TCF4: variants seen among roughly 807,000 people sequenced by gnomAD.
TCF4 encodes transcription factor 4.
Under a neutral mutation model 82.1 loss-of-function variants are expected in TCF4, and 3 were observed. The ratio of observed to expected loss-of-function variants is 0.04; its 90% CI spans 0.02 to 0.09. The LOEUF (loss-of-function observed/expected upper bound fraction) is 0.09. TCF4 is among the 10% of genes least tolerant of loss of function. TCF4 has a pLI of 1.00. For missense variants in TCF4, 518 were observed against 852.7 expected (o/e 0.61, Z 4.89); for synonymous variants, 276 against 309.6 (o/e 0.89, Z 1.14).
chr18:55,588,373 G>A, upstream of TCF4: 1 of 1,527,470 alleles, frequency 6.5e-7, no homozygotes, highest in Non-Finnish European at 8.7e-7. Flanking sequence ...GGCAGGCTAG[G>A]ATGCATCCCC....
At chr18:55,463,153 T>A (rs2095906623) in intron 4 of TCF4, among the ~76,000 whole-genome samples, 1 of 152,200 alleles carries the variant, frequency 6.6e-6, no homozygotes, top group African/African-American at 2.4e-5. Flanking sequence ...GTACACGAAG[T>A]GTACTTTTAA....
intron 3 of TCF4, among the ~76,000 whole-genome samples, chr18:55,497,391 CA>C: frequency 6.6e-6 from 1 of 151,946 alleles, no homozygotes; most frequent in East Asian, 1.9e-4. Flanking sequence ...ATAATATATG[CA>C]CATACATTTA....
At chr18:55,304,756 A>G (rs891157092) in intron 8 of TCF4, among the ~76,000 whole-genome samples, 6 of 152,166 alleles carry the variant, frequency 3.9e-5, no homozygotes, top group Non-Finnish European at 7.3e-5. Context: ...GTCCTTATTC[A>G]AAAGGTTCAA....
At chr18:55,361,496 C>A (rs1451287371) in intron 6 of TCF4, among the ~76,000 whole-genome samples, 1 of 152,210 alleles carries the variant, frequency 6.6e-6, no homozygotes, top group African/African-American at 2.4e-5. Context: ...CGTTTCTCTG[C>A]ACTTTTACAA....
chr18:55,345,583 T>C (rs749699141), intron 8 of TCF4, among the ~76,000 whole-genome samples: 1 of 152,152 alleles, frequency 6.6e-6, no homozygotes, highest in Non-Finnish European at 1.5e-5. Context: ...GCACACTAAG[T>C]TTAAAAGTGA....
intron 3 of TCF4, among the ~76,000 whole-genome samples, chr18:55,549,640 C>T (rs2097241531): frequency 6.6e-6 from 1 of 152,200 alleles, no homozygotes; most frequent in East Asian, 1.9e-4. Flanking sequence ...TCAGGGGCAA[C>T]AACAGCATGG....
chr18:55,255,859 C>T (rs867268547), intron 14 of TCF4, among the ~76,000 whole-genome samples: 3 of 152,190 alleles, frequency 2.0e-5, no homozygotes, highest in East Asian at 3.9e-4. Context: ...GATTTTGAAT[C>T]GGCTGTGCAA....
intron 5 of TCF4, among the ~76,000 whole-genome samples, chr18:55,437,440 T>G (rs2095352401): frequency 6.6e-6 from 1 of 152,214 alleles, no homozygotes; most frequent in Non-Finnish European, 1.5e-5. Context: ...TTTTAACATA[T>G]TAGAAGTTAT....
At chr18:55,393,945 G>A (rs930183414) in intron 6 of TCF4, among the ~76,000 whole-genome samples, 1 of 152,128 alleles carries the variant, frequency 6.6e-6, no homozygotes, top group African/African-American at 2.4e-5. Context: ...AACTACATAT[G>A]CCTATAATAC....
intron 3 of TCF4, among the ~76,000 whole-genome samples, chr18:55,538,661 A>G (rs1014503662): frequency 6.6e-6 from 1 of 152,164 alleles, no homozygotes; most frequent in African/African-American, 2.4e-5. Flanking sequence ...CCTTACCCTA[A>G]ATATTCAATT....
At chr18:55,328,395 T>A (rs989138525) in intron 8 of TCF4, among the ~76,000 whole-genome samples, 1 of 150,232 alleles carries the variant, frequency 6.7e-6, no homozygotes, top group Non-Finnish European at 1.5e-5. Flanking sequence ...AAAAAAAAAA[T>A]AACAAACCCT....
chr18:55,403,904 T>C, intron 5 of TCF4: 1 of 1,429,038 alleles, frequency 7.0e-7, no homozygotes, highest in Non-Finnish European at 9.1e-7. Flanking sequence ...TCCCATTGAT[T>C]ATATTGACAC....
At chr18:55,325,866 AG>A (rs1378667819) in intron 8 of TCF4, among the ~76,000 whole-genome samples, 1 of 152,236 alleles carries the variant, frequency 6.6e-6, no homozygotes, top group Admixed American at 6.5e-5. Flanking sequence ...TGAACAAGCC[AG>A]CCTATAAATT....
intron 5 of TCF4, among the ~76,000 whole-genome samples, chr18:55,436,628 G>T (rs2095335355): frequency 6.6e-6 from 1 of 152,178 alleles, no homozygotes; most frequent in South Asian, 2.1e-4. Context: ...TACCACCACA[G>T]TCAAAATGTT....
chr18:55,493,733 T>C (rs916928488), intron 3 of TCF4, among the ~76,000 whole-genome samples: 14 of 152,134 alleles, frequency 9.2e-5, no homozygotes, highest in Non-Finnish European at 1.8e-4. Context: ...AAAATACATA[T>C]CCCAAGTAAA....
intron 3 of TCF4, among the ~76,000 whole-genome samples, chr18:55,567,782 T>TAC (rs1771935384): frequency 1.3e-5 from 2 of 150,640 alleles, no homozygotes; most frequent in South Asian, 4.2e-4. Flanking sequence ...ATTCATAGAG[T>TAC]ACACATTCTT....
Position 55,503,808 on chromosome 18 carries a change from C to T in TCF4, c.146-39671G>A, listed in dbSNP as rs144792992. Among the ~76,000 whole-genome samples, 876 of 152,350 alleles carry T rather than the reference C, an allele frequency of 5.7e-3. 3 individuals carry two copies. Among genetic ancestry groups the T allele is most frequent in the South Asian group, 9.1e-3 (44 of 4,822 alleles). ...CTATTCTAATGGCCGGGCACTGTGGCTCATACCTGTAATCCCAGCACTTTG... is the reference window on the plus strand; with the variant it reads ...CTATTCTAATGGCCGGGCACTGTGGTTCATACCTGTAATCCCAGCACTTTG... On this transcript the variant is annotated intron_variant, in intron 3 of 19. Transcript: ENST00000354452.
At chr18:55,538,659 T>C (rs2097139472) in intron 3 of TCF4, among the ~76,000 whole-genome samples, 1 of 152,160 alleles carries the variant, frequency 6.6e-6, no homozygotes, top group African/African-American at 2.4e-5. Context: ...TGCCTTACCC[T>C]AAATATTCAA....
In TCF4 at chr18:55,359,139, G is replaced by A. The variant is rs530192434; in HGVS notation, c.370-8136C>T. Among the ~76,000 whole-genome samples, 52 of 152,174 alleles carry A rather than the reference G, an allele frequency of 3.4e-4. 1 individual carries two copies. Among genetic ancestry groups the A allele is most frequent in the Admixed American group, 1.8e-3 (27 of 15,278 alleles). On this transcript the variant is annotated intron_variant, in intron 6 of 19. Transcript: ENST00000354452. ...TGTGAGGCTGTAGAACAGCATGCCC[G>A]CTTGGACAACTGAAATTTCAGTTCT... is the stretch of plus-strand genomic sequence containing the variant.
Sources: allele counts gnomAD v4.1 joint callset (sites outside exome capture counted in the v4.1 genomes callset), GRCh38; gene constraint gnomAD v4.1.1; transcripts MANE v1.5; gene names NCBI Gene and HGNC (gene_info 2026-07-23, HGNC 2026-07-21).